Variants in NDST4 observed in about 807,000 individuals in gnomAD.
NDST4 encodes the protein N-heparan sulfate sulfotransferase 4.
NDST4 carries 63 observed loss-of-function variants against 100.8 expected under a neutral mutation model. The observed-to-expected ratio is 0.62, with a 90% CI of 0.51 to 0.77. The LOEUF (loss-of-function observed/expected upper bound fraction) is 0.77, where lower values mean the gene tolerates loss of function less well. Among genes scored for constraint, NDST4 ranks in the 30% least tolerant of loss-of-function variants. The pLI, the probability that NDST4 is intolerant of heterozygous loss-of-function variation, is 0.00. For missense variants in NDST4, 943 were observed against 1,018.4 expected, an observed-to-expected ratio of 0.93 and a Z score of 1.01; for synonymous variants, 377 against 361.8, an observed-to-expected ratio of 1.04 and a Z score of -0.48.
intron 3 of NDST4, among the ~76,000 whole-genome samples, chr4:114,976,413 A>G (rs1183315417): frequency 6.6e-6 from 1 of 152,008 alleles, no homozygotes; most frequent in African/African-American, 2.4e-5. Context: ...AAGACAATCA[A>G]TTTTATTAGC....
chr4:115,088,251 A>C (rs765263408), intron 1 of NDST4, among the ~76,000 whole-genome samples: 1 of 151,774 alleles, frequency 6.6e-6, no homozygotes, highest in Non-Finnish European at 1.5e-5. Context: ...TGTTTCCCAA[A>C]CTGAAAAATT....
At chr4:114,845,654 A>G (rs1314317768) in intron 10 of NDST4, among the ~76,000 whole-genome samples, 169 bp downstream of exon 10, 1 of 152,210 alleles carries the variant, frequency 6.6e-6, no homozygotes, top group Non-Finnish European at 1.5e-5. Flanking sequence ...CCAACTTGGT[A>G]CGAGTTAAAT....
At chr4:115,072,724 C>A (rs1424597171) in intron 2 of NDST4, among the ~76,000 whole-genome samples, 1 of 151,726 alleles carries the variant, frequency 6.6e-6, no homozygotes, top group African/African-American at 2.4e-5. Flanking sequence ...GATCTAAGCC[C>A]ATAAAATGAC....
intron 6 of NDST4, among the ~76,000 whole-genome samples, chr4:114,894,811 C>T (rs1193296708): frequency 6.6e-6 from 1 of 151,988 alleles, no homozygotes; most frequent in Non-Finnish European, 1.5e-5. Flanking sequence ...GCATCCTTGT[C>T]TTTTACCGGT....
At chr4:114,894,309 G>T (rs1724666676) in intron 6 of NDST4, among the ~76,000 whole-genome samples, 1 of 152,110 alleles carries the variant, frequency 6.6e-6, no homozygotes, top group Non-Finnish European at 1.5e-5. Flanking sequence ...GAATAGCATT[G>T]AATCTATAAA....
intron 3 of NDST4, among the ~76,000 whole-genome samples, chr4:114,970,903 A>T (rs937032295): frequency 6.6e-6 from 1 of 152,096 alleles, no homozygotes; most frequent in African/African-American, 2.4e-5. Flanking sequence ...TTACCCTTAA[A>T]TGTTAAGGGT....
intron 1 of NDST4, among the ~76,000 whole-genome samples, chr4:115,098,491 A>T (rs974388647): frequency 6.6e-6 from 1 of 152,160 alleles, no homozygotes; most frequent in African/African-American, 2.4e-5. Context: ...CACGCAAAGT[A>T]TATTTGGAAA....
At chr4:114,968,250 C>A (rs1182813977) in intron 4 of NDST4, among the ~76,000 whole-genome samples, 29 of 152,106 alleles carry the variant, frequency 1.9e-4, no homozygotes, top group Admixed American at 1.9e-3. Flanking sequence ...CCAAAGATGG[C>A]TTAAAACAAC....
At chr4:115,062,336 A>G (rs1728842425) in intron 2 of NDST4, among the ~76,000 whole-genome samples, 1 of 152,046 alleles carries the variant, frequency 6.6e-6, no homozygotes, top group African/African-American at 2.4e-5. Context: ...TAAGCAAACA[A>G]AGTAATTTTA....
intron 7 of NDST4, among the ~76,000 whole-genome samples, chr4:114,863,563 C>T (rs1296325402): frequency 6.6e-6 from 1 of 152,206 alleles, no homozygotes; most frequent in Non-Finnish European, 1.5e-5. Flanking sequence ...TTTTCATTCT[C>T]CAATCTTATT....
At chr4:115,050,077 A>G (rs1428049264) in intron 2 of NDST4, among the ~76,000 whole-genome samples, 1 of 152,082 alleles carries the variant, frequency 6.6e-6, no homozygotes, top group East Asian at 1.9e-4. Context: ...TTACTTTAAT[A>G]TCTTGCTTTC....
intron 1 of NDST4, among the ~76,000 whole-genome samples, chr4:115,082,208 T>C (rs1004950431): frequency 7.9e-5 from 12 of 152,176 alleles, no homozygotes; most frequent in African/African-American, 2.7e-4. Context: ...CCTAGAATCT[T>C]TGACTCTCTT....
At chr4:114,867,646 T>TAAAAAAAAAAAAAAAAATAA (rs761173470) in intron 7 of NDST4, among the ~76,000 whole-genome samples, 1 of 26,778 alleles carries the variant, frequency 3.7e-5, no homozygotes, top group African/African-American at 8.4e-5. Context: ...ATGAGAATTA[T>TAAAAAAAAAAAAAAAAATAA]AAAAAAAAAA....
intron 1 of NDST4, among the ~76,000 whole-genome samples, chr4:115,106,732 T>C (rs1729840757): frequency 6.6e-6 from 1 of 152,148 alleles, no homozygotes; most frequent in African/African-American, 2.4e-5. Context: ...AAGAATTACA[T>C]CGATCTTCAT....
chr4:115,033,520 T>C (rs988114945), intron 2 of NDST4, among the ~76,000 whole-genome samples: 5 of 152,062 alleles, frequency 3.3e-5, no homozygotes, highest in African/African-American at 1.2e-4. Flanking sequence ...TATTTTAATA[T>C]TTAACTTTTT....
chr4:115,038,156 CTTT>C (rs1728272626), intron 2 of NDST4, among the ~76,000 whole-genome samples: 1 of 152,060 alleles, frequency 6.6e-6, no homozygotes, highest in African/African-American at 2.4e-5. Flanking sequence ...TTTCAATTAT[CTTT>C]TTACGAGGAA....
chr4:115,026,160 A>AT (rs1376135516), intron 2 of NDST4, among the ~76,000 whole-genome samples: 2 of 152,016 alleles, frequency 1.3e-5, no homozygotes, highest in Non-Finnish European at 2.9e-5. Context: ...CCTTAAGTTA[A>AT]TTTTCTATAG....
At chr4:115,067,401 A>G (rs1467536636) in intron 2 of NDST4, among the ~76,000 whole-genome samples, 1 of 152,184 alleles carries the variant, frequency 6.6e-6, no homozygotes, top group Admixed American at 6.5e-5. Context: ...TTATTATCAT[A>G]AAATATAGAA....
At chr4:114,936,988 A>T (rs1366448923) in intron 5 of NDST4, among the ~76,000 whole-genome samples, 1 of 152,160 alleles carries the variant, frequency 6.6e-6, no homozygotes, top group Non-Finnish European at 1.5e-5. Flanking sequence ...AAACCACCCA[A>T]CCAAATAGAT....
Sources: allele counts gnomAD v4.1 joint callset (sites outside exome capture counted in the v4.1 genomes callset), GRCh38; gene constraint gnomAD v4.1.1; transcripts MANE v1.5; gene names NCBI Gene and HGNC (gene_info 2026-07-23, HGNC 2026-07-21).